Variants in C12orf42 observed in about 807,000 individuals in gnomAD.
C12orf42 encodes the protein chromosome 12 open reading frame 42, also known as uncharacterized protein C12orf42.
In C12orf42, 25 loss-of-function variants were observed where a neutral mutation model predicts 21.6. The ratio of observed to expected loss-of-function variants is 1.16; its 90% CI spans 0.84 to 1.62. The LOEUF is 1.62. C12orf42 is among the 40% of genes most tolerant of loss of function. C12orf42 has a pLI of 0.00. For synonymous variants in C12orf42, 174 were observed against 175.0 expected, an observed-to-expected ratio of 0.99 and a Z score of 0.05; for missense variants, 483 against 459.3, an observed-to-expected ratio of 1.05 and a Z score of -0.47.
chr12:103,060,626 A>C, the C12orf42 span, among the ~76,000 whole-genome samples: 1 of 152,184 alleles, frequency 6.6e-6, no homozygotes, highest in Non-Finnish European at 1.5e-5. Flanking sequence ...ACCAAAACAG[A>C]TATATAGACC....
chr12:103,238,422 G>C (rs1014271042), intron 10 of C12orf42, among the ~76,000 whole-genome samples: 1 of 152,136 alleles, frequency 6.6e-6, no homozygotes. Context: ...GAACTTGTTG[G>C]AAATGCAGAA....
chr12:103,548,991 C>T, the C12orf42 span: 2 of 152,202 alleles, frequency 1.3e-5, no homozygotes, highest in Non-Finnish European at 2.9e-5. Flanking sequence ...GTAACCTCAC[C>T]TCTATGGACC....
chr12:103,412,137 T>G (rs1346918961), intron 2 of C12orf42, among the ~76,000 whole-genome samples: 1 of 152,220 alleles, frequency 6.6e-6, no homozygotes, highest in Non-Finnish European at 1.5e-5. Context: ...TCTGAAACTC[T>G]TTCTGAAGAC....
the C12orf42 span, among the ~76,000 whole-genome samples, chr12:103,102,746 G>A: frequency 6.6e-6 from 1 of 152,216 alleles, no homozygotes; most frequent in East Asian, 1.9e-4. Context: ...GATTCCTGTA[G>A]GTCAGATGTC....
chr12:103,070,533 CA>C, the C12orf42 span, among the ~76,000 whole-genome samples: 3 of 151,896 alleles, frequency 2.0e-5, no homozygotes, highest in Admixed American at 6.6e-5. Context: ...CACACACACA[CA>C]CACACACACC....
the C12orf42 span, among the ~76,000 whole-genome samples, chr12:103,093,755 A>G: frequency 3.3e-5 from 5 of 152,168 alleles, no homozygotes; most frequent in East Asian, 9.6e-4. Flanking sequence ...AGCAATATAC[A>G]TGGCCATGCT....
chr12:103,050,956 C>A, the C12orf42 span, among the ~76,000 whole-genome samples: 5 of 152,060 alleles, frequency 3.3e-5, no homozygotes, highest in African/African-American at 1.2e-4. Context: ...CTTTCCTATA[C>A]GACAATCAAC....
intron 2 of C12orf42, among the ~76,000 whole-genome samples, chr12:103,445,054 C>T (rs1485348857): frequency 6.6e-6 from 1 of 152,096 alleles, no homozygotes; most frequent in East Asian, 1.9e-4. Flanking sequence ...AAAACTGTTA[C>T]GAATCATGTT....
chr12:103,452,964 A>G (rs1218070163), intron 2 of C12orf42, among the ~76,000 whole-genome samples: 2 of 152,038 alleles, frequency 1.3e-5, no homozygotes, highest in Non-Finnish European at 2.9e-5. Flanking sequence ...AACATGGCAC[A>G]TGTATACATA....
the C12orf42 span, among the ~76,000 whole-genome samples, chr12:103,058,767 G>A: frequency 7.9e-3 from 1,209 of 152,250 alleles, 15 homozygotes; most frequent in African/African-American, 0.028. Flanking sequence ...AAACCAAGAA[G>A]TTCTTTGAAA....
the C12orf42 span, among the ~76,000 whole-genome samples, chr12:103,512,128 T>G: frequency 6.6e-6 from 1 of 152,228 alleles, no homozygotes; most frequent in Non-Finnish European, 1.5e-5. Context: ...GTAAATTAAA[T>G]TCTCACCTTC....
chr12:103,181,160 G>T, the C12orf42 span, among the ~76,000 whole-genome samples: 1 of 151,996 alleles, frequency 6.6e-6, no homozygotes, highest in Non-Finnish European at 1.5e-5. Context: ...TACTAGGGAG[G>T]CTGAGGCAGG....
At chr12:103,153,718 T>C in the C12orf42 span, among the ~76,000 whole-genome samples, 1 of 152,062 alleles carries the variant, frequency 6.6e-6, no homozygotes, top group African/African-American at 2.4e-5. Flanking sequence ...GGATGGTAAA[T>C]TGGTGCAACC....
the C12orf42 span, among the ~76,000 whole-genome samples, chr12:103,514,762 A>AG: frequency 0.05 from 7,684 of 152,214 alleles, 599 homozygotes; most frequent in African/African-American, 0.17. Flanking sequence ...ATAGTATAAA[A>AG]CCCCTAAATC....
the C12orf42 span, among the ~76,000 whole-genome samples, chr12:103,119,378 T>C: frequency 2.0e-5 from 3 of 152,234 alleles, no homozygotes; most frequent in Non-Finnish European, 2.9e-5. Flanking sequence ...GATTATCAGC[T>C]ATCAATGTAG....
chr12:103,252,686 G>T (rs1269117881), intron 10 of C12orf42, among the ~76,000 whole-genome samples: 1 of 152,072 alleles, frequency 6.6e-6, no homozygotes, highest in Non-Finnish European at 1.5e-5. Flanking sequence ...TGTAGATTCT[G>T]GATATTAGCC....
At chr12:103,121,981 T>C in the C12orf42 span, among the ~76,000 whole-genome samples, 1 of 152,334 alleles carries the variant, frequency 6.6e-6, no homozygotes, top group Non-Finnish European at 1.5e-5. Context: ...TTGTTATGTA[T>C]AGACATAGCC....
chr12:103,542,822 G>T, the C12orf42 span, among the ~76,000 whole-genome samples: 2 of 152,230 alleles, frequency 1.3e-5, no homozygotes, highest in African/African-American at 4.8e-5. Context: ...GGATCAAGGA[G>T]TTATAGCCAC....
At chr12:103,338,033 T>C (rs545804367) in intron 4 of C12orf42, among the ~76,000 whole-genome samples, 22 of 152,354 alleles carry the variant, frequency 1.4e-4, no homozygotes, top group African/African-American at 5.1e-4. Flanking sequence ...CTTTTAGTTC[T>C]ATTTAGTTGC....
Sources: allele counts gnomAD v4.1 joint callset (sites outside exome capture counted in the v4.1 genomes callset), GRCh38; gene constraint gnomAD v4.1.1; transcripts MANE v1.5; gene names NCBI Gene and HGNC (gene_info 2026-07-23, HGNC 2026-07-21).